The following ARL15 variants were observed in gnomAD, a reference collection of about 807,000 sequenced individuals.
ARL15 encodes the protein ADP-ribosylation factor-like protein 15.
Under a neutral mutation model 25.2 loss-of-function variants are expected in ARL15, and 19 were observed. The observed-to-expected ratio is 0.75, with a 90% CI of 0.53 to 1.10. The LOEUF is 1.10. Ranked by LOEUF, ARL15 falls within the 50% of genes least tolerant of loss-of-function variation. The pLI is 0.00. For missense variants in ARL15, 220 were observed against 246.0 expected (o/e 0.89, Z 0.71); for synonymous variants, 94 against 86.8 (o/e 1.08, Z -0.46).
At chr5:54,119,150 A>G (rs2112237489) in intron 3 of ARL15, among the ~76,000 whole-genome samples, 1 of 152,312 alleles carries the variant, frequency 6.6e-6, no homozygotes, top group South Asian at 2.1e-4. Flanking sequence ...GCTCCAGTTA[A>G]ATTACTCATA....
intron 4 of ARL15, among the ~76,000 whole-genome samples, chr5:53,988,778 AG>A (rs1748384925): frequency 6.6e-6 from 1 of 152,208 alleles, no homozygotes; most frequent in Non-Finnish European, 1.5e-5. Flanking sequence ...ACAAGTCCAG[AG>A]GTGCTGCCGA....
chr5:54,181,538 G>A (rs1040197383), intron 1 of ARL15, among the ~76,000 whole-genome samples: 1 of 152,158 alleles, frequency 6.6e-6, no homozygotes, highest in African/African-American at 2.4e-5. Context: ...TTCTAAACAG[G>A]AAGTAGGCCA....
intron 1 of ARL15, among the ~76,000 whole-genome samples, chr5:54,204,282 T>C (rs1755802639): frequency 6.6e-6 from 1 of 152,168 alleles, no homozygotes; most frequent in Non-Finnish European, 1.5e-5. Flanking sequence ...AAATCACATA[T>C]AACTATTATC....
At chr5:53,943,817 G>A (rs1746627242) in intron 4 of ARL15, among the ~76,000 whole-genome samples, 1 of 152,188 alleles carries the variant, frequency 6.6e-6, no homozygotes, top group African/African-American at 2.4e-5. Flanking sequence ...GGAAGAAGAG[G>A]TGTCAAACCA....
intron 1 of ARL15, among the ~76,000 whole-genome samples, chr5:54,206,108 T>C (rs1200775201): frequency 6.6e-6 from 1 of 152,144 alleles, no homozygotes; most frequent in Non-Finnish European, 1.5e-5. Context: ...ATAAATAGAT[T>C]ATATTGATCT....
At chr5:54,117,410 C>T (rs571617651) in intron 3 of ARL15, among the ~76,000 whole-genome samples, 4 of 149,298 alleles carry the variant, frequency 2.7e-5, no homozygotes, top group Admixed American at 1.4e-4. Context: ...CACACACAAA[C>T]CCAAAGAGAA....
At chr5:53,907,333 G>C (rs936014313) in intron 4 of ARL15, among the ~76,000 whole-genome samples, 1 of 150,538 alleles carries the variant, frequency 6.6e-6, no homozygotes. Flanking sequence ...ACTGGTCTTC[G>C]GGTTTAAGAG....
intron 1 of ARL15, among the ~76,000 whole-genome samples, chr5:54,201,426 A>T (rs1291006871): frequency 6.6e-6 from 1 of 152,000 alleles, no homozygotes; most frequent in African/African-American, 2.4e-5. Context: ...CCATCTGTGC[A>T]CTTCTTTGTG....
chr5:53,915,789 G>A (rs1258178792), intron 4 of ARL15, among the ~76,000 whole-genome samples: 1 of 152,126 alleles, frequency 6.6e-6, no homozygotes, highest in Non-Finnish European at 1.5e-5. Flanking sequence ...TCTCAACCAG[G>A]GCAACATATA....
intron 1 of ARL15, among the ~76,000 whole-genome samples, chr5:54,217,862 G>A (rs889137579): frequency 2.2e-4 from 34 of 151,894 alleles, no homozygotes; most frequent in African/African-American, 8.0e-4. Flanking sequence ...ACTAAATTAC[G>A]ACTAAGAATT....
At chr5:54,305,107 G>A (rs1022141446) in intron 1 of ARL15, among the ~76,000 whole-genome samples, 1 of 152,056 alleles carries the variant, frequency 6.6e-6, no homozygotes, top group Admixed American at 6.5e-5. Flanking sequence ...TTTTTATGAT[G>A]GCAGATACAG....
rs556119867 is a variant in ARL15 at position 54,157,931 on chromosome 5, T to C, written c.194-3292A>G. 2.1e-3 allele frequency among the ~76,000 whole-genome samples: 319 copies of C among 152,256 alleles called. 1 individual carries two copies. Among genetic ancestry groups the C allele is most frequent in the African/African-American group, 7.4e-3 (308 of 41,554 alleles). On this transcript the variant is annotated intron_variant, in intron 2 of 4. Transcript: ENST00000504924. Reference sequence around the variant, plus strand: ...GTCCAGAAAATAAGAAAATGTACTATTTACAGAAGAGAAACAATGTTTTTT... The same window carrying C: ...GTCCAGAAAATAAGAAAATGTACTACTTACAGAAGAGAAACAATGTTTTTT...
At chr5:53,989,932 A>T (rs114118094) in intron 4 of ARL15, among the ~76,000 whole-genome samples, 6,848 of 152,276 alleles carry the variant, frequency 0.045, 219 homozygotes, top group Non-Finnish European at 0.072. Flanking sequence ...AGGCATGAAA[A>T]AGTTTTAAAG....
At chr5:54,043,955 T>A (rs1350260363) in intron 4 of ARL15, among the ~76,000 whole-genome samples, 1 of 151,956 alleles carries the variant, frequency 6.6e-6, no homozygotes, top group Non-Finnish European at 1.5e-5. Flanking sequence ...AGTCTGAGGC[T>A]GCAGTGAGCC....
At chr5:54,165,896 G>A (rs540548899) in intron 2 of ARL15, among the ~76,000 whole-genome samples, 64 of 152,176 alleles carry the variant, frequency 4.2e-4, no homozygotes, top group African/African-American at 1.4e-3. Flanking sequence ...ATTTACTGAA[G>A]AATTCCCTCT....
At chr5:54,041,840 A>T (rs1371443705) in intron 4 of ARL15, among the ~76,000 whole-genome samples, 2 of 152,252 alleles carry the variant, frequency 1.3e-5, no homozygotes, top group Non-Finnish European at 2.9e-5. Context: ...GAAAAGGCGG[A>T]GCAAGGATTT....
chr5:54,020,204 C>T (rs369302726), intron 4 of ARL15, among the ~76,000 whole-genome samples: 126 of 152,280 alleles, frequency 8.3e-4, no homozygotes, highest in African/African-American at 2.9e-3. Context: ...GTTCCAGGAA[C>T]CTGGACTGGC....
chr5:54,135,950 AT>A (rs1384613164), intron 3 of ARL15, among the ~76,000 whole-genome samples: 1 of 152,180 alleles, frequency 6.6e-6, no homozygotes, highest in Non-Finnish European at 1.5e-5. Flanking sequence ...AAATGCACCC[AT>A]AGCCCACTCT....
At chr5:54,289,918 A>G (rs554761116) in intron 1 of ARL15, among the ~76,000 whole-genome samples, 1 of 152,318 alleles carries the variant, frequency 6.6e-6, no homozygotes, top group East Asian at 1.9e-4. Context: ...AAGCATTTGC[A>G]TAATGGGGCC....
Sources: gnomAD v4.1 joint callset for allele counts (sites outside exome capture counted in the v4.1 genomes callset) on GRCh38, gnomAD v4.1.1 for gene constraint, MANE v1.5 for transcripts, NCBI Gene and HGNC (gene_info 2026-07-23, HGNC 2026-07-21) for gene names.